MEGF8: variants seen among roughly 807,000 people sequenced by gnomAD.
The protein encoded by MEGF8 is multiple EGF like domains 8, also known as multiple epidermal growth factor-like domains protein 8.
Under a neutral mutation model 302.9 loss-of-function variants are expected in MEGF8, and 156 were observed. The ratio of observed to expected loss-of-function variants is 0.52; its 90% confidence interval spans 0.45 to 0.59. The LOEUF (loss-of-function observed/expected upper bound fraction) is 0.59, where lower values mean the gene tolerates loss of function less well. Among genes scored for constraint, MEGF8 ranks in the 20% least tolerant of loss-of-function variants. The pLI, the probability that MEGF8 is intolerant of heterozygous loss-of-function variation, is 0.00. For synonymous variants in MEGF8, 1,621 were observed against 1,660.5 expected, an observed-to-expected ratio of 0.98 and a Z score of 0.58; for missense variants, 3,345 against 3,964.5, an observed-to-expected ratio of 0.84 and a Z score of 4.20.
rs1028418803 is a variant in MEGF8 at position 42,356,823 on chromosome 19, G to A, written c.4672G>A (p.Asp1558Asn). Residue 1558 changes from aspartate (D) to asparagine (N), a missense_variant, in exon 27 of 42, where the codon GAC becomes AAC. Asp to Asn is a conservative substitution (Grantham distance 23). Coordinates refer to ENST00000251268, the MANE Select transcript of MEGF8 (RefSeq NM_001271938.2). This position sits in a 1 kb window ranked among gnomAD's most constrained non-coding sequence, Gnocchi z 5.2. ...GACACAGATGCTGGCGGGAGCCGAG[G>A]ACGGGGGCCCAGGCCCATCGCCCCG... The part of the protein sequence containing the change: ...RWTQMLAGAE[D>N]GGPGPSPRSF... 3 of 1,559,426 alleles carry A rather than the reference G, an allele frequency of 1.9e-6. No individual in the cohort carries two copies. The highest frequency in any genetic ancestry group is 2.7e-5 in the African/African-American group (2 of 73,470).
rs953273173 is a variant in MEGF8 at position 42,373,683 on chromosome 19, AC to A, written c.7270-1822del. On this transcript the variant is annotated intron_variant, in intron 41 of 41. Transcript: ENST00000251268. ...AGTGTTGGGATTCTAGGCGTGAGCC[AC>A]CGTGCCTGGTTGGGCTTTTGGGTTT... Among the ~76,000 whole-genome samples the A allele has an allele frequency of 3.5e-5, 5 of 141,016 alleles. No homozygotes were observed. The Admixed American group carries it at 3.7e-4, about 10-fold the overall frequency. The allele number at this position is 141,016 out of a possible 152,430, so 92.5% of individuals were successfully genotyped here. A position where few individuals can be genotyped will look rare whatever the true frequency, so the allele number is the denominator to read the frequency against.
intron 40 of MEGF8, 49 bp from the exon 41 acceptor site, chr19:42,371,301 G>A (rs1464819327): frequency 1.9e-6 from 3 of 1,603,922 alleles, no homozygotes; most frequent in Non-Finnish European, 1.7e-6. Flanking sequence ...TGTCCATCCT[G>A]GACCACTGCA....
At chr19:42,343,897 G>A in intron 9 of MEGF8, 57 bp from the exon 10 acceptor site, 1 of 1,582,426 alleles carries the variant, frequency 6.3e-7, no homozygotes, top group South Asian at 1.2e-5. Flanking sequence ...GCCCAGGTCT[G>A]AGAGGCCTCC....
chr19:42,349,831 T>A, intron 14 of MEGF8, 132 bp downstream of exon 14: 1 of 937,730 alleles, frequency 1.1e-6, no homozygotes, highest in Non-Finnish European at 1.6e-6. Context: ...TCTTGGCCTC[T>A]GAACTCTGGA....
intron 8 of MEGF8, among the ~76,000 whole-genome samples, chr19:42,338,836 T>C (rs2039171794): frequency 7.7e-6 from 1 of 129,744 alleles, no homozygotes; most frequent in Admixed American, 7.5e-5. Context: ...TTTTTTTTTT[T>C]TTTTTTTTTT....
Position 42,357,364 on chromosome 19 carries a change from C to G in MEGF8, c.4831-40C>G. On this transcript the variant is annotated intron_variant, in intron 27 of 41. Coordinates refer to ENST00000251268, the MANE Select transcript of MEGF8 (RefSeq NM_001271938.2). The surrounding 1 kb of genome is among the most constrained non-coding windows in gnomAD (Gnocchi z 5.2). ...CTTCTACCCACAAGGTGACCCCTGACCTCTAGCCCCATCGGTGACCTTGCC... is the reference window on the plus strand; with the variant it reads ...CTTCTACCCACAAGGTGACCCCTGAGCTCTAGCCCCATCGGTGACCTTGCC... 6.2e-7 allele frequency: 1 copy of G among 1,602,392 alleles called. No individual in the cohort carries two copies.
At chr19:42,362,320 C>T (rs2039543594) in intron 33 of MEGF8, 64 bp from the exon 34 acceptor site, 3 of 1,611,122 alleles carry the variant, frequency 1.9e-6, no homozygotes, top group East Asian at 2.2e-5. Flanking sequence ...TCAGGAACCA[C>T]CGAGTTCTCA....
Position 42,351,632 on chromosome 19 carries a change from C to T in MEGF8, c.2988-16C>T. ...AAGGGGCTGGGGCTCTGACCCCCACCCCTGCCATCCTGCAGTGTACACTCG... is the reference window on the plus strand; with the variant it reads ...AAGGGGCTGGGGCTCTGACCCCCACTCCTGCCATCCTGCAGTGTACACTCG... On this transcript the variant is annotated splice_polypyrimidine_tract_variant and intron_variant, in intron 17 of 41. Transcript: ENST00000251268. This position sits in a 1 kb window ranked among gnomAD's most constrained non-coding sequence, Gnocchi z 5.6. The T allele has an allele frequency of 6.3e-7, 1 of 1,591,110 alleles. No individual in the cohort carries two copies. Among genetic ancestry groups the T allele is most frequent in the Non-Finnish European group, 8.6e-7 (1 of 1,169,440 alleles).
In MEGF8 at chr19:42,368,643, A is replaced by C; in HGVS notation, c.6462A>C (p.Gly2154=). 6.4e-7 allele frequency: 1 copy of C among 1,554,518 alleles called. No homozygotes were observed. Among genetic ancestry groups the C allele is most frequent in the South Asian group, 1.2e-5 (1 of 84,290 alleles). ...GGGGTGGCCGCTGCATGGAGGGTGGACTCAGCGGCCCCCGTGATGGTGAGA... is the reference window on the plus strand; with the variant it reads ...GGGGTGGCCGCTGCATGGAGGGTGGCCTCAGCGGCCCCCGTGATGGTGAGA... ...QDGGGRCMEG[G]LSGPRDGLTC... is the part of the protein sequence containing the mutation. The change falls in exon 36 of 42, where the codon GGA becomes GGC. Residue 2154 remains glycine, a synonymous_variant. Coordinates refer to ENST00000251268, the MANE Select transcript of MEGF8 (RefSeq NM_001271938.2). The surrounding 1 kb of genome is among the most constrained non-coding windows in gnomAD (Gnocchi z 4.9).
In MEGF8 at chr19:42,326,094, CG is replaced by C. The variant is rs34768812; in HGVS notation, c.-147del. ...TGTCAGCAGTGGCCGTACCCTTCGC[CG>C]GGACTGCCGGGTCTCCGGGACCTCT... On this transcript the variant is annotated 5_prime_UTR_variant, in exon 1 of 42. The change abolishes the stop of an existing upstream ORF in the 5' untranslated region. Transcript: ENST00000251268. 7 of 1,293,778 alleles carry C rather than the reference CG, an allele frequency of 5.4e-6. No homozygotes were observed. In the African/African-American group the frequency reaches 1.1e-4, roughly 20 times the overall value. 80.1% of individuals were successfully genotyped at this position (1,293,778 alleles called of 1,614,324 possible). A position where few individuals can be genotyped will look rare whatever the true frequency, so the allele number is the denominator to read the frequency against.
Position 42,336,331 on chromosome 19 carries a change from G to T in MEGF8, c.1229G>T (p.Arg410Leu). The T allele has an allele frequency of 6.3e-7, 1 of 1,598,774 alleles. No individual in the cohort carries two copies. The change falls in exon 6 of 42, where the codon CGG (arginine) becomes CTG (leucine). Residue 410 changes from arginine to leucine, a missense_variant. Physicochemically the swap from Arg to Leu is moderately radical, Grantham distance 102 (BLOSUM62 -2). Transcript: ENST00000251268. The surrounding 1 kb of genome is among the most constrained non-coding windows in gnomAD (Gnocchi z 4.8). Reference sequence around the variant, plus strand: ...GCCCTGCTGGTCCATGGTGGACACCGGCCCTCCACTGCCCGGTAAGTGACC... The same window carrying T: ...GCCCTGCTGGTCCATGGTGGACACCTGCCCTCCACTGCCCGGTAAGTGACC... ...SRALLVHGGH[R>L]PSTARFSVRV...
At chr19:42,346,957 C>T (rs1024645022) in intron 12 of MEGF8, among the ~76,000 whole-genome samples, 1 of 143,766 alleles carries the variant, frequency 7.0e-6, no homozygotes, top group Admixed American at 7.1e-5. Flanking sequence ...TGCACTCCAG[C>T]CTGGGTGACA....
intron 13 of MEGF8, 26 bp downstream of exon 13, chr19:42,348,498 G>A: frequency 6.7e-7 from 1 of 1,489,542 alleles, no homozygotes; most frequent in Non-Finnish European, 8.9e-7. Flanking sequence ...ACATTCAGGG[G>A]GTTGTTTATG....
At chr19:42,370,471 G>C in intron 39 of MEGF8, 112 bp downstream of exon 39, 1 of 1,058,904 alleles carries the variant, frequency 9.4e-7, no homozygotes. Flanking sequence ...GGGAGGAGGG[G>C]CTGGAGGCCT....
At position 42,368,850 on chromosome 19, in the gene MEGF8, A is replaced by G. The variant is rs1222166367; in HGVS notation, c.6489A>G (p.Thr2163=). 9.9e-6 allele frequency: 16 copies of G among 1,613,522 alleles called. No homozygotes were observed. The highest frequency in any genetic ancestry group is 1.1e-5 in the Non-Finnish European group (13 of 1,179,788). Residue 2163 remains threonine, a synonymous_variant, in exon 37 of 42, where the codon ACA becomes ACG. Coordinates refer to ENST00000251268, the MANE Select transcript of MEGF8 (RefSeq NM_001271938.2). This position sits in a 1 kb window ranked among gnomAD's most constrained non-coding sequence, Gnocchi z 4.9. Reference sequence around the variant, plus strand: ...CTATATCCCCGGTGCTAGGGCTGACATGTGGGCGTCCGGGGGCCTCCTGGG... The same window carrying G: ...CTATATCCCCGGTGCTAGGGCTGACGTGTGGGCGTCCGGGGGCCTCCTGGG... ...GGLSGPRDGL[T]CGRPGASWAF...
rs73033437 is a variant in MEGF8 at position 42,361,131 on chromosome 19, G to A, written c.5720+125G>A. ...TGGTTCAGGAAAGGGGTGAATCACC[G>A]CAGGCAGGGTGGCCGGGGGAGCTCT... On this transcript the variant is annotated intron_variant, in intron 32 of 41. Coordinates refer to ENST00000251268, the MANE Select transcript of MEGF8 (RefSeq NM_001271938.2). 0.19 allele frequency: 192,681 copies of A among 1,018,368 alleles called. 20,715 individuals are homozygous for A. Among genetic ancestry groups the A allele is most frequent in the Admixed American group, 0.24 (7,026 of 29,830 alleles). The allele number at this position is 1,018,368 out of a possible 1,614,324, so 63.1% of individuals were successfully genotyped here.
chr19:42,337,234 G>A (rs2039140906), intron 8 of MEGF8, 28 bp downstream of exon 8: 8 of 1,612,284 alleles, frequency 5.0e-6, no homozygotes, highest in South Asian at 2.2e-5. Context: ...TTCCCTAGGG[G>A]CTCCTGAGGG....
intron 8 of MEGF8, among the ~76,000 whole-genome samples, chr19:42,340,550 A>G (rs943282832): frequency 6.6e-6 from 1 of 151,566 alleles, no homozygotes; most frequent in Non-Finnish European, 1.5e-5. Flanking sequence ...TTTTTTTAGT[A>G]GAGATGGGGT....
At chr19:42,346,195 C>T (rs1366420339) in intron 12 of MEGF8, among the ~76,000 whole-genome samples, 1 of 152,128 alleles carries the variant, frequency 6.6e-6, no homozygotes, top group Non-Finnish European at 1.5e-5. Context: ...CCACCATGCC[C>T]GGCCTCTTTA....
Sources: gnomAD v4.1 joint callset for allele counts (sites outside exome capture counted in the v4.1 genomes callset) on GRCh38, gnomAD v4.1.1 for gene constraint, Gnocchi (gnomAD v3.1) non-coding constraint, MANE v1.5 for transcripts, NCBI Gene and HGNC (gene_info 2026-07-23, HGNC 2026-07-21) for gene names.